Variants in TSPAN11 observed in about 807,000 individuals in gnomAD.
TSPAN11 encodes the protein tetraspanin-11.
TSPAN11 carries 29 observed loss-of-function variants against 32.9 expected under a neutral mutation model. The ratio of observed to expected loss-of-function variants is 0.88; its 90% confidence interval spans 0.66 to 1.20. TSPAN11 has a LOEUF of 1.20. Among genes scored for constraint, TSPAN11 ranks in the 50% most tolerant of loss-of-function variants. The pLI is 0.00. For missense variants in TSPAN11, 283 were observed against 329.1 expected, an observed-to-expected ratio of 0.86 and a Z score of 1.08; for synonymous variants, 140 against 141.3, an observed-to-expected ratio of 0.99 and a Z score of 0.07.
the TSPAN11 span, among the ~76,000 whole-genome samples, chr12:31,015,081 C>T: frequency 8.5e-5 from 13 of 152,170 alleles, no homozygotes; most frequent in Non-Finnish European, 1.3e-4. The surrounding 1 kb of genome is among the most constrained non-coding windows in gnomAD (Gnocchi z 4.9). Flanking sequence ...ATTACATAAA[C>T]GCATATTCTT....
At chr12:30,963,088 T>G (rs1938645700) in intron 2 of TSPAN11, among the ~76,000 whole-genome samples, 1 of 151,200 alleles carries the variant, frequency 6.6e-6, no homozygotes, top group African/African-American at 2.4e-5. Context: ...TCCCCTCTTC[T>G]CAGGACCAAA....
downstream of TSPAN11, among the ~76,000 whole-genome samples, chr12:31,000,652 C>T (rs1030027414): frequency 7.2e-5 from 11 of 152,204 alleles, no homozygotes; most frequent in African/African-American, 2.7e-4. Flanking sequence ...CCATCCGCAC[C>T]ACAGTTCATG....
chr12:30,974,810 G>A (rs899750017), intron 3 of TSPAN11, among the ~76,000 whole-genome samples: 20 of 152,226 alleles, frequency 1.3e-4, no homozygotes, highest in Non-Finnish European at 2.5e-4. Flanking sequence ...CTGAGGAACC[G>A]CACGGCAGGC....
chr12:30,935,544 C>T (rs577857257), intron 1 of TSPAN11, among the ~76,000 whole-genome samples: 25 of 152,046 alleles, frequency 1.6e-4, no homozygotes, highest in African/African-American at 2.2e-4. Flanking sequence ...CCAACATGCC[C>T]GGCTAGTTTT....
chr12:30,938,683 G>C (rs943833949), intron 1 of TSPAN11, among the ~76,000 whole-genome samples: 27 of 152,138 alleles, frequency 1.8e-4, no homozygotes, highest in African/African-American at 6.0e-4. Flanking sequence ...GCTGCTCTTT[G>C]CCTTACAGAT....
chr12:30,951,797 C>A (rs1202559610), intron 1 of TSPAN11, among the ~76,000 whole-genome samples: 2 of 152,148 alleles, frequency 1.3e-5, no homozygotes, highest in Non-Finnish European at 2.9e-5. Context: ...CCTCTGCCAC[C>A]CTGGGCCCCA....
intron 2 of TSPAN11, 38 bp from the exon 3 acceptor site, chr12:30,963,788 C>T (rs1938663731): frequency 1.3e-6 from 2 of 1,588,410 alleles, no homozygotes; most frequent in Non-Finnish European, 1.7e-6. Flanking sequence ...TGCCGAGGCC[C>T]CCGCCACCCC....
rs745956648 is a variant in TSPAN11 at position 30,954,003 on chromosome 12, T to A, written c.12T>A (p.Tyr4Ter). Reference sequence around the variant, plus strand: ...CAGGCCCAGAAGCCATGGCCCACTATAAGACTGAGCAGGACGACTGGCTGA... The same window carrying A: ...CAGGCCCAGAAGCCATGGCCCACTAAAAGACTGAGCAGGACGACTGGCTGA... MAH[Y>*]KTEQDDWLII... The change falls in exon 2 of 8, where the codon TAT becomes TAA. Residue 4 changes from tyrosine (Y) to a stop codon, truncating the protein, a stop_gained. Coordinates refer to ENST00000546076, the MANE Select transcript of TSPAN11 (RefSeq NM_001370302.1). LOFTEE classifies it high-confidence loss of function. 1.9e-6 allele frequency: 3 copies of A among 1,613,758 alleles called. No homozygotes were observed. The highest frequency in any genetic ancestry group is 2.5e-6 in the Non-Finnish European group (3 of 1,179,954).
intron 1 of TSPAN11, among the ~76,000 whole-genome samples, chr12:30,947,531 A>T (rs1195283683): frequency 6.6e-6 from 1 of 152,202 alleles, no homozygotes; most frequent in African/African-American, 2.4e-5. Flanking sequence ...CAGGAGGCAA[A>T]AGGCACTTCC....
chr12:31,016,018 A>G, the TSPAN11 span, among the ~76,000 whole-genome samples: 1 of 152,322 alleles, frequency 6.6e-6, no homozygotes, highest in East Asian at 1.9e-4. Flanking sequence ...GCCTTTAAAA[A>G]TTAAATTAAA....
chr12:30,960,492 A>G (rs1414177392), intron 2 of TSPAN11, among the ~76,000 whole-genome samples: 1 of 151,930 alleles, frequency 6.6e-6, no homozygotes, highest in Admixed American at 6.6e-5. Context: ...AAAAACGCCT[A>G]CATTTACTTT....
At chr12:30,973,413 G>A (rs1248214721) in intron 3 of TSPAN11, among the ~76,000 whole-genome samples, 1 of 152,196 alleles carries the variant, frequency 6.6e-6, no homozygotes, top group Non-Finnish European at 1.5e-5. Flanking sequence ...CATGTGCTAG[G>A]CTAGGCTTGG....
At chr12:30,987,986 G>A (rs1284244017) in intron 7 of TSPAN11, among the ~76,000 whole-genome samples, 2 of 152,224 alleles carry the variant, frequency 1.3e-5, no homozygotes, top group Non-Finnish European at 2.9e-5. Context: ...AACTCCCTGC[G>A]GCTGCAGGCT....
At chr12:30,968,364 A>T (rs1017971383) in intron 3 of TSPAN11, among the ~76,000 whole-genome samples, 12 of 152,246 alleles carry the variant, frequency 7.9e-5, no homozygotes, top group Non-Finnish European at 1.5e-4. Flanking sequence ...CCTTCCTCCT[A>T]GCTCATCTGC....
intron 3 of TSPAN11, among the ~76,000 whole-genome samples, chr12:30,969,658 T>C (rs1031254506): frequency 1.3e-5 from 2 of 152,198 alleles, no homozygotes; most frequent in African/African-American, 4.8e-5. Context: ...GGTGGTTCTA[T>C]GGCCAATTAG....
chr12:30,964,299 TTTC>T (rs1938682291), intron 3 of TSPAN11, among the ~76,000 whole-genome samples: 2 of 151,864 alleles, frequency 1.3e-5, no homozygotes, highest in South Asian at 2.1e-4. Context: ...CCTCCTTCTA[TTTC>T]TTCTTCTCCT....
At chr12:30,946,727 C>T (rs1366276140) in intron 1 of TSPAN11, among the ~76,000 whole-genome samples, 1 of 152,132 alleles carries the variant, frequency 6.6e-6, no homozygotes, top group Non-Finnish European at 1.5e-5. Flanking sequence ...CAGATCACAG[C>T]GTGAATGAAA....
In TSPAN11 at chr12:30,978,602, G is replaced by C. The variant is rs774786595; in HGVS notation, c.318G>C (p.Val106=). The part of the protein sequence containing the change: ...LLLVIFLVEL[V]AGVLAHVYYQ... The stretch of plus-strand genomic sequence containing the variant: ...TCGTCATCTTCCTGGTTGAGCTGGT[G>C]GCGGGAGTCCTGGCCCATGTGTATT... The change falls in exon 4 of 8, where the codon GTG becomes GTC. Residue 106 remains valine (V), a synonymous_variant. Transcript: ENST00000546076. 6.2e-7 allele frequency: 1 copy of C among 1,614,248 alleles called. No homozygotes were observed. The highest frequency in any genetic ancestry group is 8.5e-7 in the Non-Finnish European group (1 of 1,180,046).
At chr12:30,948,627 G>A (rs1413266725) in intron 1 of TSPAN11, among the ~76,000 whole-genome samples, 4 of 152,188 alleles carry the variant, frequency 2.6e-5, no homozygotes, top group East Asian at 3.9e-4. Context: ...TCCCTAGGCT[G>A]CACACAGCAG....
Sources: allele counts gnomAD v4.1 joint callset (sites outside exome capture counted in the v4.1 genomes callset), GRCh38; gene constraint gnomAD v4.1.1; non-coding constraint Gnocchi (gnomAD v3.1); transcripts MANE v1.5; gene names NCBI Gene and HGNC (gene_info 2026-07-23, HGNC 2026-07-21).